Variants in LMF1 observed in about 807,000 individuals in gnomAD.
LMF1 encodes lipase maturation factor 1.
In LMF1, 68 loss-of-function variants were observed where a neutral mutation model predicts 60.6. That is an observed-to-expected ratio of 1.12 (90% CI 0.92 to 1.37). The LOEUF (loss-of-function observed/expected upper bound fraction) is 1.37. Among genes scored for constraint, LMF1 ranks in the 40% most tolerant of loss-of-function variants. The pLI is 0.00. For synonymous variants in LMF1, 418 were observed against 324.7 expected (o/e 1.29, Z -3.09); for missense variants, 948 against 767.2 (o/e 1.24, Z -2.78).
At chr16:869,121 C>T (rs879131679) in intron 9 of LMF1, 65 bp from the exon 10 acceptor site, 24 of 1,082,206 alleles carry the variant, frequency 2.2e-5, no homozygotes, top group South Asian at 1.4e-4. Context: ...CCCCTCCGGA[C>T]GCTCGGCTGT....
At chr16:950,581 T>A (rs1345199249) in intron 2 of LMF1, among the ~76,000 whole-genome samples, 5 of 109,634 alleles carry the variant, frequency 4.6e-5, no homozygotes, top group African/African-American at 8.4e-5. Flanking sequence ...AACGACAGAG[T>A]CAGCCAATGA....
intron 3 of LMF1, among the ~76,000 whole-genome samples, chr16:926,728 T>A (rs2071621052): frequency 6.6e-6 from 1 of 152,200 alleles, no homozygotes. Flanking sequence ...GGTCCCGGCA[T>A]CCACCCAGAG....
chr16:915,957 T>A (rs1195978989), intron 3 of LMF1, among the ~76,000 whole-genome samples: 2 of 151,152 alleles, frequency 1.3e-5, no homozygotes, highest in Non-Finnish European at 3.0e-5. Context: ...TGGCCACCAG[T>A]GAGGGGCAGA....
At chr16:870,543 G>A (rs913746725) in intron 8 of LMF1, among the ~76,000 whole-genome samples, 186 bp downstream of exon 8, 5 of 152,198 alleles carry the variant, frequency 3.3e-5, no homozygotes, top group Non-Finnish European at 5.9e-5. Context: ...GGACCAGGAC[G>A]AGGAGGCCTG....
chr16:929,201 A>G lies in LMF1; in HGVS notation c.514+5043T>C, dbSNP rs577410776. ...GGGGCCAGAAAGCGTCTCCAGAAGC[A>G]CTGGGGACCGGCCCTGGTCTCAGTC... On this transcript the variant is annotated intron_variant, in intron 3 of 10. Transcript: ENST00000262301. Among the ~76,000 whole-genome samples the G allele has an allele frequency of 2.0e-5, 3 of 152,324 alleles. No homozygotes were observed. In the East Asian group the frequency reaches 5.8e-4, roughly 29 times the overall value.
chr16:977,602 G>A (rs376088766), intron 1 of LMF1, among the ~76,000 whole-genome samples: 22 of 152,226 alleles, frequency 1.4e-4, no homozygotes, highest in African/African-American at 2.4e-4. Flanking sequence ...GTTCACGCCC[G>A]CCGGGCCCTC....
upstream of LMF1, among the ~76,000 whole-genome samples, chr16:974,592 G>A (rs1374235115): frequency 2.6e-5 from 4 of 152,334 alleles, no homozygotes; most frequent in South Asian, 2.1e-4. Flanking sequence ...CCTCCCCGGA[G>A]ACCGACCAGC....
chr16:866,752 C>A (rs2069620063), intron 10 of LMF1, among the ~76,000 whole-genome samples: 2 of 152,168 alleles, frequency 1.3e-5, no homozygotes, highest in African/African-American at 4.8e-5. Context: ...CTAGGCTGCT[C>A]TTTTCTGGCC....
intron 5 of LMF1, among the ~76,000 whole-genome samples, chr16:886,207 T>G (rs889111587): frequency 6.6e-6 from 1 of 152,068 alleles, no homozygotes; most frequent in Non-Finnish European, 1.5e-5. Flanking sequence ...AAGGGGCGCA[T>G]GGAGGATGGG....
intron 2 of LMF1, among the ~76,000 whole-genome samples, chr16:943,157 G>C (rs139420790): frequency 0.011 from 1,607 of 149,216 alleles, 66 homozygotes; most frequent in Admixed American, 0.088. Context: ...GGATCACAAG[G>C]TCAGGAGATC....
At position 917,778 on chromosome 16, in the gene LMF1, G is replaced by A. The variant is rs887616685; in HGVS notation, c.515-6699C>T. 1.3e-4 allele frequency among the ~76,000 whole-genome samples: 20 copies of A among 152,324 alleles called. 1 individual carries two copies. Among genetic ancestry groups the A allele is most frequent in the African/African-American group, 4.1e-4 (17 of 41,572 alleles). ...ACTGCTGTGCTCGCCCGGCACCCCC[G>A]GCCTCCTCCTGACCGTGGGCTCCTT... On this transcript the variant is annotated intron_variant, in intron 3 of 10. Transcript: ENST00000262301.
rs560683499 is a variant in LMF1, at chr16:871,405, C to T, written c.898-64G>A. 6.5e-6 allele frequency: 10 copies of T among 1,540,630 alleles called. No homozygotes were observed. The South Asian group carries it at 9.3e-5, about 14-fold the overall frequency. Reference sequence around the variant, plus strand: ...GTGTGGGGCCCCTGGGCAGCTGGCGCCTCTCTTCCTGGAGCAGGGAGGGGG... The same window carrying T: ...GTGTGGGGCCCCTGGGCAGCTGGCGTCTCTCTTCCTGGAGCAGGGAGGGGG... On this transcript the variant is annotated intron_variant, in intron 6 of 10. Transcript: ENST00000262301.
intron 1 of LMF1, chr16:980,911 C>G (rs527546762): frequency 6.6e-6 from 1 of 152,210 alleles, no homozygotes; most frequent in African/African-American, 2.4e-5. Flanking sequence ...CGCCCCCGAG[C>G]CCTAGGTCAC....
chr16:860,668 G>T (rs563443139), intron 10 of LMF1, among the ~76,000 whole-genome samples: 1 of 152,274 alleles, frequency 6.6e-6, no homozygotes, highest in South Asian at 2.1e-4. Context: ...TATGCTTTAC[G>T]TTGAAGTCCA....
intron 4 of LMF1, among the ~76,000 whole-genome samples, chr16:908,491 C>T (rs1470906194): frequency 2.0e-5 from 3 of 152,304 alleles, no homozygotes; most frequent in African/African-American, 2.4e-5. Flanking sequence ...GCCATGGCCC[C>T]GAGCACACCC....
At chr16:872,700 T>TG (rs2151703988) in intron 6 of LMF1, 1 of 152,446 alleles carries the variant, frequency 6.6e-6, no homozygotes, top group South Asian at 2.1e-4. Context: ...GTCTGACCTT[T>TG]GGGCCCACTC....
In LMF1 at chr16:870,756, A is replaced by T; in HGVS notation, c.1205T>A (p.Ile402Asn). The T allele has an allele frequency of 6.2e-7, 1 of 1,612,980 alleles. No individual in the cohort carries two copies. The highest frequency in any genetic ancestry group is 8.5e-7 in the Non-Finnish European group (1 of 1,179,782). Reference protein sequence around the residue: ...VMNTHFNSLHIVNTYGAFGSI... With the variant: ...VMNTHFNSLHNVNTYGAFGSI... Reference sequence around the variant, plus strand: ...TCCGAAGGCCCCGTAAGTGTTGACGATGTGAAGAGAGTTGAAGTGGGTGTT... The same window carrying T: ...TCCGAAGGCCCCGTAAGTGTTGACGTTGTGAAGAGAGTTGAAGTGGGTGTT... Residue 402 changes from isoleucine (I) to asparagine (N), a missense_variant, in exon 8 of 11, where the codon ATC (isoleucine) becomes AAC (asparagine). By Grantham distance (149) the Ile-to-Asn change is moderately radical. Coordinates refer to ENST00000262301, the MANE Select transcript of LMF1 (RefSeq NM_022773.4).
At chr16:957,518 T>C (rs1408177813) in intron 1 of LMF1, among the ~76,000 whole-genome samples, 1 of 152,202 alleles carries the variant, frequency 6.6e-6, no homozygotes, top group African/African-American at 2.4e-5. Flanking sequence ...GTCAATTTGA[T>C]CCATAAATTC....
chr16:869,643 G>C (rs2069717827), intron 9 of LMF1: 1 of 656,680 alleles, frequency 1.5e-6, no homozygotes, highest in Admixed American at 2.1e-5. Context: ...GGGATTCCTG[G>C]CATGAGACAC....
Sources: gnomAD v4.1 joint callset for allele counts (sites outside exome capture counted in the v4.1 genomes callset) on GRCh38, gnomAD v4.1.1 for gene constraint, MANE v1.5 for transcripts, NCBI Gene and HGNC (gene_info 2026-07-23, HGNC 2026-07-21) for gene names.